CLIP4: variants seen among roughly 807,000 people sequenced by gnomAD.
CLIP4 encodes the protein CAP-Gly domain-containing linker protein 4.
Under a neutral mutation model 73.1 loss-of-function variants are expected in CLIP4, and 47 were observed. The observed-to-expected ratio is 0.64, with a 90% CI of 0.51 to 0.82. The LOEUF (loss-of-function observed/expected upper bound fraction) is 0.82, where lower values mean the gene tolerates loss of function less well. Ranked by LOEUF, CLIP4 falls within the 40% of genes least tolerant of loss-of-function variation. CLIP4 has a pLI of 0.00. For missense variants in CLIP4, 874 were observed against 852.9 expected, an observed-to-expected ratio of 1.02 and a Z score of -0.31; for synonymous variants, 306 against 295.4, an observed-to-expected ratio of 1.04 and a Z score of -0.37.
chr2:29,174,720 G>T, intron 15 of CLIP4: 3 of 1,054,244 alleles, frequency 2.8e-6, no homozygotes, highest in Non-Finnish European at 2.3e-6. Context: ...TTTACATATT[G>T]TCTTTTCATT....
chr2:29,170,853 ACTGT>A (rs1417900856), intron 14 of CLIP4, among the ~76,000 whole-genome samples: 1 of 151,866 alleles, frequency 6.6e-6, no homozygotes, highest in East Asian at 1.9e-4. Context: ...TGTTGAAAAG[ACTGT>A]CTTTTTTCCA....
At chr2:29,142,214 G>T (rs755050988) in intron 6 of CLIP4, among the ~76,000 whole-genome samples, 5 of 152,046 alleles carry the variant, frequency 3.3e-5, no homozygotes, top group African/African-American at 2.4e-5. Flanking sequence ...CACCACTTTA[G>T]AAGAAAGTGG....
At chr2:29,134,746 C>T (rs1431996417) in intron 5 of CLIP4, among the ~76,000 whole-genome samples, 2 of 152,014 alleles carry the variant, frequency 1.3e-5, no homozygotes, top group Non-Finnish European at 2.9e-5. Context: ...ATGGGATTCC[C>T]AAATCTGGAG....
At chr2:29,122,989 C>T (rs1437037113) in intron 2 of CLIP4, among the ~76,000 whole-genome samples, 1 of 152,098 alleles carries the variant, frequency 6.6e-6, no homozygotes, top group Non-Finnish European at 1.5e-5. Context: ...TAGTGGGAAA[C>T]TAACAAAATA....
intron 2 of CLIP4, among the ~76,000 whole-genome samples, chr2:29,124,222 C>A (rs910221688): frequency 1.3e-5 from 2 of 152,078 alleles, no homozygotes; most frequent in Non-Finnish European, 2.9e-5. Context: ...TGTCTGAAAA[C>A]ATCTTTATTT....
chr2:29,178,930 G>A (rs1010046205), intron 15 of CLIP4, among the ~76,000 whole-genome samples: 3 of 152,154 alleles, frequency 2.0e-5, no homozygotes, highest in Admixed American at 2.0e-4. Context: ...GAGTAGCTGG[G>A]ATTACAGGCA....
chr2:29,108,089 A>C (rs1428144973), intron 1 of CLIP4, among the ~76,000 whole-genome samples: 3 of 152,130 alleles, frequency 2.0e-5, no homozygotes, highest in Non-Finnish European at 4.4e-5. Context: ...CTCTTTATCC[A>C]CAGGGGATAT....
intron 6 of CLIP4, among the ~76,000 whole-genome samples, chr2:29,141,694 A>G (rs1023878566): frequency 1.3e-5 from 2 of 151,864 alleles, no homozygotes; most frequent in Non-Finnish European, 1.5e-5. Context: ...CTTTGAGCCT[A>G]TGGGTGTCAT....
intron 2 of CLIP4, among the ~76,000 whole-genome samples, chr2:29,122,826 CAAAAAAA>C (rs11364909): frequency 4.8e-5 from 3 of 61,916 alleles, no homozygotes; most frequent in African/African-American, 1.4e-4. Context: ...ACTTTGTCTC[CAAAAAAA>C]AAAAAAAAAA....
chr2:29,139,097 T>C (rs1416815563), intron 6 of CLIP4, among the ~76,000 whole-genome samples: 1 of 152,170 alleles, frequency 6.6e-6, no homozygotes, highest in Non-Finnish European at 1.5e-5. Flanking sequence ...AGGAGGAATG[T>C]TTCCAACTTG....
intron 15 of CLIP4, among the ~76,000 whole-genome samples, chr2:29,179,109 T>G (rs1668509382): frequency 6.6e-6 from 1 of 152,226 alleles, no homozygotes; most frequent in South Asian, 2.1e-4. Flanking sequence ...TTTTTCAGTT[T>G]ATGCATTAAA....
intron 1 of CLIP4, 24 bp from the exon 2 acceptor site, chr2:29,121,350 C>CA: frequency 6.4e-7 from 1 of 1,552,072 alleles, no homozygotes; most frequent in African/African-American, 1.4e-5. Context: ...AGTAGAAACA[C>CA]TTTTTTTTTC....
intron 11 of CLIP4, among the ~76,000 whole-genome samples, chr2:29,157,599 T>C (rs1667014509): frequency 6.6e-6 from 1 of 152,228 alleles, no homozygotes; most frequent in African/African-American, 2.4e-5. Flanking sequence ...ATTTAGCTTC[T>C]TCACAGGCCT....
intron 1 of CLIP4, among the ~76,000 whole-genome samples, chr2:29,109,636 A>C (rs886173563): frequency 4.6e-5 from 7 of 152,190 alleles, no homozygotes; most frequent in African/African-American, 1.7e-4. Flanking sequence ...TATAAAGAAG[A>C]CTTTGCATCA....
intron 2 of CLIP4, among the ~76,000 whole-genome samples, chr2:29,129,636 T>G (rs2148482415): frequency 6.6e-6 from 1 of 152,234 alleles, no homozygotes; most frequent in South Asian, 2.1e-4. Context: ...TGAAGATTTT[T>G]TTTTTATTTG....
At chr2:29,107,801 C>A (rs1223219809) in intron 1 of CLIP4, among the ~76,000 whole-genome samples, 4 of 152,190 alleles carry the variant, frequency 2.6e-5, no homozygotes, top group Non-Finnish European at 4.4e-5. Context: ...AGCCTCCTGC[C>A]TCAGCCTCCC....
chr2:29,102,547 A>G (rs993218243), intron 1 of CLIP4, among the ~76,000 whole-genome samples: 2 of 152,026 alleles, frequency 1.3e-5, no homozygotes, highest in Admixed American at 6.5e-5. Flanking sequence ...CGTTCAAAAC[A>G]TCAGAGGCAG....
chr2:29,122,194 T>C (rs1664295264), intron 2 of CLIP4, among the ~76,000 whole-genome samples: 1 of 152,118 alleles, frequency 6.6e-6, no homozygotes, highest in South Asian at 2.1e-4. Context: ...AATTTGTCTT[T>C]TTAGTCATAT....
At chr2:29,174,475 C>T in intron 15 of CLIP4, 30 bp downstream of exon 15, 1 of 1,599,498 alleles carries the variant, frequency 6.3e-7, no homozygotes, top group Non-Finnish European at 8.5e-7. Flanking sequence ...AGAAAAACAC[C>T]TTTCAAGATG....
Sources: gnomAD v4.1 joint callset for allele counts (sites outside exome capture counted in the v4.1 genomes callset) on GRCh38, gnomAD v4.1.1 for gene constraint, MANE v1.5 for transcripts, NCBI Gene and HGNC (gene_info 2026-07-23, HGNC 2026-07-21) for gene names.